MACROD2: variants seen among roughly 807,000 people sequenced by gnomAD.
MACROD2 encodes mono-ADP ribosylhydrolase 2.
Under a neutral mutation model 70.4 loss-of-function variants are expected in MACROD2, and 36 were observed. The ratio of observed to expected loss-of-function variants is 0.51; its 90% CI spans 0.39 to 0.68. The LOEUF (loss-of-function observed/expected upper bound fraction) is 0.68, where lower values mean the gene tolerates loss of function less well. MACROD2 is among the 30% of genes least tolerant of loss of function. The pLI is 0.00. For synonymous variants in MACROD2, 172 were observed against 178.8 expected, an observed-to-expected ratio of 0.96 and a Z score of 0.30; for missense variants, 496 against 538.4, an observed-to-expected ratio of 0.92 and a Z score of 0.78.
chr20:15,474,535 A>G (rs2146440589), intron 7 of MACROD2, among the ~76,000 whole-genome samples: 1 of 152,230 alleles, frequency 6.6e-6, no homozygotes, highest in Non-Finnish European at 1.5e-5. Flanking sequence ...TGCCTAATGT[A>G]CTCCCATCAA....
intron 5 of MACROD2, among the ~76,000 whole-genome samples, chr20:14,919,993 A>T (rs2122632841): frequency 6.6e-6 from 1 of 152,228 alleles, no homozygotes; most frequent in African/African-American, 2.4e-5. Context: ...CCCTGCCCCC[A>T]GCAGGTGAGC....
intron 5 of MACROD2, among the ~76,000 whole-genome samples, chr20:15,096,719 C>G (rs2075835404): frequency 6.6e-6 from 1 of 151,618 alleles, no homozygotes; most frequent in African/African-American, 2.4e-5. Context: ...ACCATGTTGA[C>G]CAGGCTGGTC....
chr20:15,520,596 A>G (rs2047639759), intron 8 of MACROD2, among the ~76,000 whole-genome samples: 1 of 152,156 alleles, frequency 6.6e-6, no homozygotes, highest in African/African-American at 2.4e-5. Context: ...AAGACCCCCA[A>G]CTGCCATGAC....
chr20:15,578,976 A>C (rs2048487236), intron 8 of MACROD2, among the ~76,000 whole-genome samples: 1 of 152,220 alleles, frequency 6.6e-6, no homozygotes, highest in Admixed American at 6.5e-5. Context: ...CGTTTTTTAA[A>C]ATTAAATTTT....
intron 3 of MACROD2, among the ~76,000 whole-genome samples, chr20:14,242,962 C>T (rs1169584820): frequency 6.6e-6 from 1 of 152,278 alleles, no homozygotes; most frequent in Admixed American, 6.5e-5. Flanking sequence ...CTTGTTTTCA[C>T]TAATTACTTT....
chr20:14,035,502 T>C (rs1344450216), intron 2 of MACROD2, among the ~76,000 whole-genome samples: 1 of 152,198 alleles, frequency 6.6e-6, no homozygotes, highest in Non-Finnish European at 1.5e-5. Context: ...ATCTGTAATG[T>C]AAAATTCCTG....
At chr20:15,091,695 C>T (rs1348684776) in intron 5 of MACROD2, among the ~76,000 whole-genome samples, 3 of 151,908 alleles carry the variant, frequency 2.0e-5, no homozygotes, top group Admixed American at 1.3e-4. Context: ...TCAAAGAGCA[C>T]TTATGTTATG....
At chr20:15,686,718 C>A (rs1336593333) in intron 8 of MACROD2, among the ~76,000 whole-genome samples, 2 of 151,836 alleles carry the variant, frequency 1.3e-5, no homozygotes, top group Non-Finnish European at 2.9e-5. Flanking sequence ...ACTAAAAATA[C>A]AAAAATTAGC....
At chr20:15,091,791 G>A (rs1411529840) in intron 5 of MACROD2, among the ~76,000 whole-genome samples, 1 of 152,072 alleles carries the variant, frequency 6.6e-6, no homozygotes, top group Admixed American at 6.6e-5. Context: ...AATAATGCCT[G>A]GCTAGATTAG....
intron 5 of MACROD2, among the ~76,000 whole-genome samples, chr20:14,950,048 G>C (rs1207478951): frequency 6.6e-6 from 1 of 152,038 alleles, no homozygotes; most frequent in Non-Finnish European, 1.5e-5. Context: ...CCATCTCTAG[G>C]GTTGTCTATG....
chr20:14,519,159 T>TA (rs1233880998), intron 4 of MACROD2, among the ~76,000 whole-genome samples: 1 of 152,156 alleles, frequency 6.6e-6, no homozygotes, highest in Non-Finnish European at 1.5e-5. Flanking sequence ...TGGAATCTTT[T>TA]ACCTCCCAAC....
intron 8 of MACROD2, among the ~76,000 whole-genome samples, chr20:15,783,005 C>T (rs1163125159): frequency 6.6e-6 from 1 of 151,994 alleles, no homozygotes. Flanking sequence ...AAATATTTTT[C>T]AAAATTATAG....
chr20:15,056,231 G>A (rs528831032), intron 5 of MACROD2, among the ~76,000 whole-genome samples: 1 of 152,280 alleles, frequency 6.6e-6, no homozygotes, highest in South Asian at 2.1e-4. Flanking sequence ...GGAGCTGAGG[G>A]AGCTAAGCAT....
At chr20:15,061,202 C>T (rs899201660) in intron 5 of MACROD2, among the ~76,000 whole-genome samples, 1 of 152,166 alleles carries the variant, frequency 6.6e-6, no homozygotes, top group Non-Finnish European at 1.5e-5. Flanking sequence ...TCTCAATGTG[C>T]AGGAGCTGTC....
chr20:14,567,897 C>T (rs1979913666), intron 4 of MACROD2, among the ~76,000 whole-genome samples: 1 of 152,038 alleles, frequency 6.6e-6, no homozygotes, highest in African/African-American at 2.4e-5. Flanking sequence ...TTATGAATAA[C>T]ATAGGTAAGG....
intron 8 of MACROD2, among the ~76,000 whole-genome samples, chr20:15,734,630 G>A (rs1055649175): frequency 6.6e-6 from 1 of 152,116 alleles, no homozygotes; most frequent in Non-Finnish European, 1.5e-5. Flanking sequence ...GAATAAATAG[G>A]ATGCCTCCAG....
intron 8 of MACROD2, among the ~76,000 whole-genome samples, chr20:15,817,802 G>A (rs1202407663): frequency 6.6e-6 from 1 of 152,080 alleles, no homozygotes; most frequent in African/African-American, 2.4e-5. Flanking sequence ...AATTTTAATT[G>A]GGTTCTTTCC....
intron 5 of MACROD2, among the ~76,000 whole-genome samples, chr20:14,949,806 G>T (rs911692356): frequency 6.6e-6 from 1 of 152,144 alleles, no homozygotes; most frequent in African/African-American, 2.4e-5. Context: ...GAGAGTGTCT[G>T]TCATTTGACC....
intron 5 of MACROD2, among the ~76,000 whole-genome samples, chr20:14,751,315 C>T (rs1406699836): frequency 6.0e-5 from 9 of 149,362 alleles, no homozygotes; most frequent in Admixed American, 4.7e-4. Context: ...CAGTTCCTCC[C>T]TTTTTTTTTT....
Sources: allele counts gnomAD v4.1 joint callset (sites outside exome capture counted in the v4.1 genomes callset), GRCh38; gene constraint gnomAD v4.1.1; transcripts MANE v1.5; gene names NCBI Gene and HGNC (gene_info 2026-07-23, HGNC 2026-07-21).